Variants in METTL23 observed in about 807,000 individuals in gnomAD.
METTL23 encodes the protein histone-arginine methyltransferase METTL23.
A neutral mutation model predicts 21.2 loss-of-function variants in METTL23; 24 were observed. The observed-to-expected ratio is 1.13, with a 90% CI of 0.82 to 1.59. METTL23 has a LOEUF of 1.59. METTL23 is among the 40% of genes most tolerant of loss of function. The pLI is 0.00. For synonymous variants in METTL23, 97 were observed against 75.2 expected, an observed-to-expected ratio of 1.29 and a Z score of -1.50; for missense variants, 276 against 221.4, an observed-to-expected ratio of 1.25 and a Z score of -1.57.
chr17:76,726,931 G>A lies in METTL23; in HGVS notation c.-269G>A. 2.2e-6 allele frequency: 1 copy of A among 457,008 alleles called. No individual in the cohort carries two copies. The highest frequency in any genetic ancestry group is 1.5e-5 in the South Asian group (1 of 64,574). The allele number at this position is 457,008 out of a possible 1,614,324, so 28.3% of individuals were successfully genotyped here. On this transcript the variant is annotated 5_prime_UTR_variant, in exon 1 of 5. Coordinates refer to ENST00000341249, the MANE Select transcript of METTL23 (RefSeq NM_001080510.5). ...CTTTCTTCGCTCGCAGCGCGGCAGG[G>A]TTATCACCAGATCTGGGCTTTCCCC...
chr17:76,732,826 AATGT>A (rs1462651292), intron 2 of METTL23, 148 bp from the exon 3 acceptor site: 2 of 653,134 alleles, frequency 3.1e-6, no homozygotes, highest in Non-Finnish European at 2.6e-6. Flanking sequence ...TGTTTATAGT[AATGT>A]TCAGTTACGG....
At chr17:76,729,614 G>C in intron 1 of METTL23, 76 bp from the exon 2 acceptor site, 1 of 1,012,342 alleles carries the variant, frequency 9.9e-7, no homozygotes, top group Non-Finnish European at 1.5e-6. Context: ...GCCAATGCCT[G>C]ACAGAAATTG....
Position 76,733,082 on chromosome 17 carries a change from G to T in METTL23, c.189G>T (p.Arg63=), listed in dbSNP as rs1353680856. The T allele has an allele frequency of 9.3e-6, 15 of 1,610,010 alleles. No homozygotes were observed. Among genetic ancestry groups the T allele is most frequent in the Non-Finnish European group, 1.1e-5 (13 of 1,178,070 alleles). The change falls in exon 3 of 5, where the codon CGG becomes CGT. Residue 63 remains arginine (R), a synonymous_variant. Coordinates refer to ENST00000341249, the MANE Select transcript of METTL23 (RefSeq NM_001080510.5). ...TGCCTCACTGTCTGGAAGTCTGTCGGCAAAGCTGCCAAATGAATAACCTGC... is the reference window on the plus strand; with the variant it reads ...TGCCTCACTGTCTGGAAGTCTGTCGTCAAAGCTGCCAAATGAATAACCTGC... ...SELPHCLEVC[R]QSCQMNNLPH...
chr17:76,732,918 T>C lies in METTL23; in HGVS notation c.85-60T>C, dbSNP rs77248413. 2,367 of 1,344,840 alleles carry C rather than the reference T, an allele frequency of 1.8e-3. 47 individuals are homozygous for C. In the African/African-American group the frequency reaches 0.031, roughly 18 times the overall value. The allele number at this position is 1,344,840 out of a possible 1,614,324, so 83.3% of individuals were successfully genotyped here. On this transcript the variant is annotated intron_variant, in intron 2 of 4. Transcript: ENST00000341249. ...AGAATATAATGAAAAAGTACTAAGA[T>C]TCCCAATTATTTGCAGTTCCAAGTA...
upstream of METTL23, chr17:76,726,540 C>G (rs2076942179): frequency 1.3e-6 from 2 of 1,525,326 alleles, no homozygotes; most frequent in Non-Finnish European, 1.8e-6. Context: ...CACTAACGCA[C>G]CCCTCCCCGG....
chr17:76,729,842 TGTTAA>T (rs756091392), intron 2 of METTL23, 48 bp downstream of exon 2: 3 of 1,378,232 alleles, frequency 2.2e-6, no homozygotes, highest in South Asian at 1.2e-5. Flanking sequence ...TGTTCAGATG[TGTTAA>T]GTTGACATGT....
At chr17:76,726,311 ATGCCC>A (rs2076932328), upstream of METTL23, 2 of 1,532,230 alleles carry the variant, frequency 1.3e-6, no homozygotes, top group Admixed American at 2.0e-5. Context: ...GGAGGTGCCG[ATGCCC>A]GGCCTGGCCA....
rs755568109 is a variant in METTL23, at chr17:76,733,053, G to A, written c.160G>A (p.Glu54Lys). 4 of 1,605,390 alleles carry A rather than the reference G, an allele frequency of 2.5e-6. No individual in the cohort carries two copies. Among genetic ancestry groups the A allele is most frequent in the Non-Finnish European group, 3.4e-6 (4 of 1,175,512 alleles). The change falls in exon 3 of 5, where the codon GAA (glutamate) becomes AAA (lysine). Residue 54 changes from glutamate to lysine, a missense_variant. By Grantham distance (56) the Glu-to-Lys change is moderately conservative. Coordinates refer to ENST00000341249, the MANE Select transcript of METTL23 (RefSeq NM_001080510.5). ...AGAAGTAATACTGTCAGACAGCTCA[G>A]AACTGCCTCACTGTCTGGAAGTCTG... ...GAEVILSDSS[E>K]LPHCLEVCRQ... is the part of the protein sequence containing the mutation.
chr17:76,729,099 A>AT (rs1007747736), intron 1 of METTL23, among the ~76,000 whole-genome samples: 25 of 111,928 alleles, frequency 2.2e-4, no homozygotes, highest in South Asian at 5.6e-4. Context: ...ACGCCCGGCC[A>AT]TTTTTTTTTG....
Position 76,732,969 on chromosome 17 carries a change from A to T in METTL23, c.85-9A>T. The T allele has an allele frequency of 1.3e-6, 2 of 1,556,996 alleles. No individual in the cohort carries two copies. The highest frequency in any genetic ancestry group is 2.4e-5 in the East Asian group (1 of 42,030). On this transcript the variant is annotated splice_polypyrimidine_tract_variant and intron_variant, in intron 2 of 4. Coordinates refer to ENST00000341249, the MANE Select transcript of METTL23 (RefSeq NM_001080510.5). ...TAATTGTGAAATGCCATCTTTCATAACTTATTAGATTGGAGCTGGAGTGAG... is the reference window on the plus strand; with the variant it reads ...TAATTGTGAAATGCCATCTTTCATATCTTATTAGATTGGAGCTGGAGTGAG...
intron 2 of METTL23, 185 bp from the exon 3 acceptor site, chr17:76,732,793 T>C (rs1303933133): frequency 1.6e-6 from 1 of 611,318 alleles, no homozygotes; most frequent in African/African-American, 1.9e-5. Context: ...CAGAGTAGAT[T>C]CATAAGGAAT....
chr17:76,729,642 A>G (rs1043310283), intron 1 of METTL23, 48 bp from the exon 2 acceptor site: 1 of 1,314,656 alleles, frequency 7.6e-7, no homozygotes, highest in African/African-American at 1.5e-5. Flanking sequence ...AATGATTCCA[A>G]CTTCCAGCAG....
At chr17:76,726,700 G>C, upstream of METTL23, 1 of 585,462 alleles carries the variant, frequency 1.7e-6, no homozygotes, top group South Asian at 2.1e-5. Flanking sequence ...CGCCTCTCGC[G>C]GTTTTCCATT....
upstream of METTL23, chr17:76,726,431 A>C (rs751676845): frequency 6.2e-7 from 1 of 1,602,568 alleles, no homozygotes; most frequent in South Asian, 1.1e-5. Context: ...CCGGCCGCGC[A>C]CTCCGCTTGG....
rs1193116333 is a variant in METTL23 at position 76,727,149 on chromosome 17, G to C, written c.-51G>C. The stretch of plus-strand genomic sequence containing the variant: ...GGAGGAGCCGGGTCCGGGGGCCGAC[G>C]GGGCTGTCCTGGAGGTCCACGTCCC... On this transcript the variant is annotated 5_prime_UTR_variant, in exon 1 of 5. Coordinates refer to ENST00000341249, the MANE Select transcript of METTL23 (RefSeq NM_001080510.5). 2.2e-6 allele frequency: 1 copy of C among 448,050 alleles called. No homozygotes were observed. Among genetic ancestry groups the C allele is most frequent in the Non-Finnish European group, 4.5e-6 (1 of 223,076 alleles). The allele number at this position is 448,050 out of a possible 1,614,324, so 27.8% of individuals were successfully genotyped here.
At position 76,733,112 on chromosome 17, in the gene METTL23, T is replaced by C. The variant is rs767405677; in HGVS notation, c.219T>C (p.His73=). 4 of 1,613,394 alleles carry C rather than the reference T, an allele frequency of 2.5e-6. No homozygotes were observed. The highest frequency in any genetic ancestry group is 2.5e-6 in the Non-Finnish European group (3 of 1,179,706). Residue 73 remains histidine, a synonymous_variant, in exon 3 of 5, where the codon CAT becomes CAC. Coordinates refer to ENST00000341249, the MANE Select transcript of METTL23 (RefSeq NM_001080510.5). The stretch of plus-strand genomic sequence containing the variant: ...GCTGCCAAATGAATAACCTGCCACA[T>C]CTGCAGGTGGTAGGACTAACATGGG... ...RQSCQMNNLP[H]LQVVGLTWGH...
intron 1 of METTL23, 62 bp from the exon 2 acceptor site, chr17:76,729,628 T>A (rs913371609): frequency 3.1e-5 from 35 of 1,141,840 alleles, no homozygotes; most frequent in Non-Finnish European, 4.2e-5. Context: ...GAAATTGCTG[T>A]ATGAATGATT....
chr17:76,733,093 A>T lies in METTL23; in HGVS notation c.200A>T (p.Gln67Leu), dbSNP rs1209479217. The T allele has an allele frequency of 6.2e-7, 1 of 1,612,716 alleles. No homozygotes were observed. The highest frequency in any genetic ancestry group is 1.7e-5 in the Admixed American group (1 of 59,792). The change falls in exon 3 of 5, where the codon CAA becomes CTA. Residue 67 changes from glutamine to leucine, a missense_variant. Transcript: ENST00000341249. Reference protein sequence around the residue: ...HCLEVCRQSCQMNNLPHLQVV... With the variant: ...HCLEVCRQSCLMNNLPHLQVV... ...CTGGAAGTCTGTCGGCAAAGCTGCC[A>T]AATGAATAACCTGCCACATCTGCAG...
intron 1 of METTL23, among the ~76,000 whole-genome samples, chr17:76,728,536 A>G (rs182407994): frequency 1.4e-3 from 215 of 150,734 alleles, no homozygotes; most frequent in African/African-American, 4.8e-3. Flanking sequence ...TCAGCCTCCC[A>G]AGTAGCTGGG....
Sources: allele counts gnomAD v4.1 joint callset (sites outside exome capture counted in the v4.1 genomes callset), GRCh38; gene constraint gnomAD v4.1.1; transcripts MANE v1.5; gene names NCBI Gene and HGNC (gene_info 2026-07-23, HGNC 2026-07-21).